RFT1: variants seen among roughly 807,000 people sequenced by gnomAD.
The protein encoded by RFT1 is RFT1 glycolipid translocator homolog.
In RFT1, 43 loss-of-function variants were observed where a neutral mutation model predicts 62.2. The ratio of observed to expected loss-of-function variants is 0.69; its 90% confidence interval spans 0.54 to 0.89. The LOEUF (loss-of-function observed/expected upper bound fraction) is 0.89. Among genes scored for constraint, RFT1 ranks in the 40% least tolerant of loss-of-function variants. The pLI is 0.00. For synonymous variants in RFT1, 262 were observed against 264.6 expected (o/e 0.99, Z 0.10); for missense variants, 605 against 649.9 (o/e 0.93, Z 0.75).
At chr3:53,093,881 A>T (rs1701066485) in intron 11 of RFT1, among the ~76,000 whole-genome samples, 2 of 152,174 alleles carry the variant, frequency 1.3e-5, no homozygotes, top group African/African-American at 4.8e-5. Context: ...ATTAGCCGTG[A>T]TATACACCTG....
At chr3:53,102,185 C>T (rs1320367765) in intron 10 of RFT1, among the ~76,000 whole-genome samples, 2 of 152,184 alleles carry the variant, frequency 1.3e-5, no homozygotes, top group East Asian at 1.9e-4. Context: ...AGTCAAGGAA[C>T]GCCAGGATGC....
the RFT1 span, among the ~76,000 whole-genome samples, chr3:53,074,200 C>A: frequency 1.3e-5 from 2 of 152,166 alleles, no homozygotes; most frequent in Non-Finnish European, 2.9e-5. Flanking sequence ...GGGAGCCTGA[C>A]AAACACCCCC....
rs1701389749 is a variant in RFT1 at position 53,103,961 on chromosome 3, G to T, written c.1094C>A (p.Ser365Ter). 3 of 1,614,084 alleles carry T rather than the reference G, an allele frequency of 1.9e-6. No homozygotes were observed. Among genetic ancestry groups the T allele is most frequent in the Non-Finnish European group, 2.5e-6 (3 of 1,180,052 alleles). The change falls in exon 10 of 13, where the codon TCA becomes TAA. Residue 365 changes from serine to a stop codon, truncating the protein, a stop_gained. Transcript: ENST00000296292. LOFTEE classifies it high-confidence loss of function. Reference sequence around the variant, plus strand: ...AAAACTCTTGTGCGTACCGGATCCTGAGCTAAGCATGGTCCCTCCGTAGAT... The same window carrying T: ...AAAACTCTTGTGCGTACCGGATCCTTAGCTAAGCATGGTCCCTCCGTAGAT... ...LDIYGGTMLS[S>*]GSGPVLLRSY...
At chr3:53,111,141 T>C (rs1218302909) in intron 7 of RFT1, among the ~76,000 whole-genome samples, 1 of 152,166 alleles carries the variant, frequency 6.6e-6, no homozygotes, top group Non-Finnish European at 1.5e-5. Flanking sequence ...AGGCTGGGTG[T>C]GGTGGCTCGC....
intron 6 of RFT1, among the ~76,000 whole-genome samples, chr3:53,112,404 G>GT (rs1701676905): frequency 6.6e-6 from 1 of 152,186 alleles, no homozygotes; most frequent in Non-Finnish European, 1.5e-5. Context: ...CTCAGAATGG[G>GT]TATGACAGAG....
At chr3:53,128,310 C>T (rs976553586) in intron 1 of RFT1, among the ~76,000 whole-genome samples, 4 of 151,948 alleles carry the variant, frequency 2.6e-5, no homozygotes, top group Non-Finnish European at 4.4e-5. Context: ...AAACAAAAAA[C>T]AAAACACCAT....
intron 1 of RFT1, among the ~76,000 whole-genome samples, chr3:53,129,850 C>T (rs1702211163): frequency 1.3e-5 from 2 of 152,196 alleles, no homozygotes; most frequent in South Asian, 4.1e-4. Flanking sequence ...GTGAGGAACT[C>T]AGGCTCTGCA....
chr3:53,116,695 G>A (rs1295790196), intron 6 of RFT1, among the ~76,000 whole-genome samples: 2 of 151,672 alleles, frequency 1.3e-5, no homozygotes, highest in African/African-American at 4.8e-5. Context: ...TCCACCTCCT[G>A]GGTTCAAGCA....
rs551775490 is a variant in RFT1 at position 53,124,307 on chromosome 3, C to A, written c.150-467G>T. ...CTGGCAACCATTACAGAGGCTGCTGCAACCCAGATCAGCAAGGCGTGCCTG... is the reference window on the plus strand; with the variant it reads ...CTGGCAACCATTACAGAGGCTGCTGAAACCCAGATCAGCAAGGCGTGCCTG... On this transcript the variant is annotated intron_variant, in intron 2 of 12. Coordinates refer to ENST00000296292, the MANE Select transcript of RFT1 (RefSeq NM_052859.4). Among the ~76,000 whole-genome samples the A allele has an allele frequency of 9.8e-5, 15 of 152,314 alleles. No homozygotes were observed. In the South Asian group the frequency reaches 3.1e-3, roughly 32 times the overall value.
chr3:53,122,688 TAAC>T, intron 3 of RFT1, 125 bp from the exon 4 acceptor site: 1 of 498,196 alleles, frequency 2.0e-6, no homozygotes, highest in Non-Finnish European at 3.1e-6. Flanking sequence ...TATAAGATAC[TAAC>T]TACATGCCAG....
chr3:53,100,243 C>T (rs1399939554), intron 10 of RFT1, among the ~76,000 whole-genome samples: 1 of 152,174 alleles, frequency 6.6e-6, no homozygotes, highest in Non-Finnish European at 1.5e-5. Context: ...AGAACCAGTG[C>T]CCATAATAGT....
chr3:53,088,100 A>G (rs1700897993), downstream of RFT1, among the ~76,000 whole-genome samples: 1 of 152,202 alleles, frequency 6.6e-6, no homozygotes, highest in African/African-American at 2.4e-5. Flanking sequence ...GAAATCACAC[A>G]CTTGCCCTGC....
At chr3:53,068,030 C>A in the RFT1 span, among the ~76,000 whole-genome samples, 62 of 152,318 alleles carry the variant, frequency 4.1e-4, no homozygotes, top group African/African-American at 1.5e-3. Flanking sequence ...CTCCAAAGGG[C>A]TTTTCTGAGG....
At chr3:53,116,891 C>G (rs1378849056) in intron 6 of RFT1, among the ~76,000 whole-genome samples, 1 of 152,238 alleles carries the variant, frequency 6.6e-6, no homozygotes, top group Non-Finnish European at 1.5e-5. Flanking sequence ...GTGTGAGCCA[C>G]CATGCCCGGG....
chr3:53,109,030 T>C (rs1181085446), intron 7 of RFT1, among the ~76,000 whole-genome samples: 3 of 152,196 alleles, frequency 2.0e-5, no homozygotes, highest in Non-Finnish European at 2.9e-5. Context: ...TGTGGGCTTT[T>C]ATACACTGAC....
chr3:53,098,431 A>ACACT (rs1281331997), intron 11 of RFT1, among the ~76,000 whole-genome samples: 1 of 151,970 alleles, frequency 6.6e-6, no homozygotes, highest in African/African-American at 2.4e-5. Context: ...CCCATTTGAG[A>ACACT]CACTCCCTCC....
Position 53,108,300 on chromosome 3 carries a change from C to T in RFT1, c.776-1431G>A, listed in dbSNP as rs1173938939. Among the ~76,000 whole-genome samples, 3 of 152,020 alleles carry T rather than the reference C, an allele frequency of 2.0e-5. No homozygotes were observed. In the South Asian group the frequency reaches 6.2e-4, roughly 32 times the overall value. ...CTCCTGACCTCAAGTGATTCACCTG[C>T]CTTGGCCTCCCAAAGTGCTTGGATT... On this transcript the variant is annotated intron_variant, in intron 7 of 12. Coordinates refer to ENST00000296292, the MANE Select transcript of RFT1 (RefSeq NM_052859.4).
chr3:53,123,876 G>A (rs1559598612), intron 2 of RFT1, 36 bp from the exon 3 acceptor site: 1 of 1,535,446 alleles, frequency 6.5e-7, no homozygotes, highest in Admixed American at 1.7e-5. Flanking sequence ...AAGGTCTCAA[G>A]TTTTTTCATA....
At chr3:53,071,949 C>T in the RFT1 span, among the ~76,000 whole-genome samples, 4 of 152,236 alleles carry the variant, frequency 2.6e-5, no homozygotes, top group African/African-American at 9.6e-5. Flanking sequence ...TTGGCACCCA[C>T]TTCCTGGGTT....
Sources: gnomAD v4.1 joint callset for allele counts (sites outside exome capture counted in the v4.1 genomes callset) on GRCh38, gnomAD v4.1.1 for gene constraint, MANE v1.5 for transcripts, NCBI Gene and HGNC (gene_info 2026-07-23, HGNC 2026-07-21) for gene names.